Variants in C9 observed in about 807,000 individuals in gnomAD.
C9 encodes complement C9.
C9 carries 63 observed loss-of-function variants against 65.4 expected under a neutral mutation model. The ratio of observed to expected loss-of-function variants is 0.96; its 90% CI spans 0.79 to 1.19. C9 has a LOEUF of 1.19. Ranked by LOEUF, C9 falls within the 50% of genes most tolerant of loss-of-function variation. C9 has a pLI of 0.00. For missense variants in C9, 744 were observed against 670.1 expected, an observed-to-expected ratio of 1.11 and a Z score of -1.22; for synonymous variants, 229 against 227.9, an observed-to-expected ratio of 1.00 and a Z score of -0.04.
At chr5:39,334,335 C>T (rs141056653) in intron 4 of C9, among the ~76,000 whole-genome samples, 41,928 of 149,396 alleles carry the variant, frequency 0.28, 7,071 homozygotes, top group Non-Finnish European at 0.37. Flanking sequence ...GCGTCTCTGC[C>T]CGGCCGCCCC....
At chr5:39,287,022 A>G (rs1242856021) in intron 10 of C9, among the ~76,000 whole-genome samples, 1 of 151,986 alleles carries the variant, frequency 6.6e-6, no homozygotes, top group Non-Finnish European at 1.5e-5. Flanking sequence ...AATGATTGCC[A>G]TAGAAAGTTA....
At position 39,311,142 on chromosome 5, in the gene C9, C is replaced by A. The variant is rs769441512; in HGVS notation, c.1106G>T (p.Arg369Leu). 2 of 1,613,350 alleles carry A rather than the reference C, an allele frequency of 1.2e-6. No individual in the cohort carries two copies. Among genetic ancestry groups the A allele is most frequent in the Non-Finnish European group, 1.7e-6 (2 of 1,179,384 alleles). Residue 369 changes from arginine to leucine, a missense_variant, in exon 7 of 11, where the codon CGG becomes CTG. Transcript: ENST00000263408. ...AGCTCTATTTCTAGGCATACCTTTC[C>A]GCTTCATGGAAGCTTTATCCAAAAC... is the stretch of plus-strand genomic sequence containing the variant. The part of the protein sequence containing the change: ...IYVLDKASMK[R>L]KGVELKDIKR...
rs747790831 is a variant in C9 at position 39,341,572 on chromosome 5, G to A, written c.312C>T (p.Asp104=). 5.6e-6 allele frequency: 9 copies of A among 1,613,886 alleles called. No individual in the cohort carries two copies. In the Admixed American group the frequency reaches 8.3e-5, roughly 15 times the overall value. ...AAAGATTACCTGTACTGCATTGAAA[G>A]TCATTTCCGCAGTCATCCTCAGCAT... ...CEDAEDDCGN[D]FQCSTGRCIK... is the part of the protein sequence containing the mutation. The change falls in exon 3 of 11, where the codon GAC becomes GAT. Residue 104 remains aspartate, a synonymous_variant. Transcript: ENST00000263408.
chr5:39,293,046 A>G (rs913199655), intron 9 of C9, among the ~76,000 whole-genome samples: 2 of 151,778 alleles, frequency 1.3e-5, no homozygotes, highest in Admixed American at 1.3e-4. Context: ...GGAAGCAGAA[A>G]GGCATCTCTG....
At chr5:39,311,000 C>A in intron 7 of C9, 137 bp downstream of exon 7, 2 of 941,098 alleles carry the variant, frequency 2.1e-6, no homozygotes, top group South Asian at 1.4e-5. Context: ...TGCCAAAGGG[C>A]AGGAAGAGAG....
At chr5:39,362,819 C>T (rs931760501) in intron 1 of C9, among the ~76,000 whole-genome samples, 10 of 152,264 alleles carry the variant, frequency 6.6e-5, no homozygotes, top group Middle Eastern at 3.4e-3. Context: ...CCTCAACCCC[C>T]GTCAAAGGGC....
intron 5 of C9, among the ~76,000 whole-genome samples, chr5:39,320,078 T>C (rs1753641130): frequency 6.6e-6 from 1 of 152,196 alleles, no homozygotes; most frequent in Admixed American, 6.5e-5. Flanking sequence ...TTCAAAGGCA[T>C]AGATATGCAT....
Position 39,341,200 on chromosome 5 carries a change from G to T in C9, c.422C>A (p.Pro141His), listed in dbSNP as rs998275622. 3.7e-6 allele frequency: 6 copies of T among 1,614,038 alleles called. No individual in the cohort carries two copies. Among genetic ancestry groups the T allele is most frequent in the African/African-American group, 1.3e-5 (1 of 74,908 alleles). ...EDDCESEPRP[P>H]CRDRVVEESE... Reference sequence around the variant, plus strand: ...CTCTTCTACCACTCTGTCTCTGCAGGGGGGACGGGGCTCACTTTCACAATC... The same window carrying T: ...CTCTTCTACCACTCTGTCTCTGCAGTGGGGACGGGGCTCACTTTCACAATC... The change falls in exon 4 of 11, where the codon CCC (proline) becomes CAC (histidine). Residue 141 changes from proline (P) to histidine (H), a missense_variant. By Grantham distance (77) the Pro-to-His change is moderately conservative. Coordinates refer to ENST00000263408, the MANE Select transcript of C9 (RefSeq NM_001737.5).
intron 5 of C9, among the ~76,000 whole-genome samples, chr5:39,318,113 C>T (rs248345): frequency 0.39 from 58,905 of 151,246 alleles, 12,678 homozygotes; most frequent in East Asian, 0.64. Context: ...TTTTAGCAAT[C>T]GTGAATGGGA....
intron 9 of C9, among the ~76,000 whole-genome samples, chr5:39,291,267 AAG>A (rs934759636): frequency 3.3e-5 from 5 of 151,780 alleles, no homozygotes; most frequent in African/African-American, 1.2e-4. Context: ...ATTTGAAAAA[AAG>A]AAACAAATAT....
chr5:39,313,495 C>T (rs148701812), intron 6 of C9, among the ~76,000 whole-genome samples: 2 of 152,138 alleles, frequency 1.3e-5, no homozygotes, highest in Non-Finnish European at 2.9e-5. Flanking sequence ...GCTTCTCAAA[C>T]TATAAAATGT....
chr5:39,333,815 T>C (rs13354327), intron 4 of C9, among the ~76,000 whole-genome samples: 4,274 of 151,782 alleles, frequency 0.028, 186 homozygotes, highest in African/African-American at 0.096. Context: ...GGTTTCGCTG[T>C]GTTGGCCGGG....
intron 1 of C9, among the ~76,000 whole-genome samples, chr5:39,347,820 A>G (rs906137194): frequency 3.3e-5 from 5 of 152,194 alleles, no homozygotes; most frequent in African/African-American, 1.2e-4. Flanking sequence ...ACCAAAACAG[A>G]GATATAGACC....
chr5:39,318,962 T>C (rs1212022317), intron 5 of C9, among the ~76,000 whole-genome samples: 1 of 152,214 alleles, frequency 6.6e-6, no homozygotes. Flanking sequence ...GTGTCAGCCA[T>C]CCAGCTGTTC....
At chr5:39,301,706 C>G (rs915173121) in intron 9 of C9, among the ~76,000 whole-genome samples, 1 of 129,538 alleles carries the variant, frequency 7.7e-6, no homozygotes. Flanking sequence ...ACATCTGTAT[C>G]AAAAACACCA....
intron 4 of C9, among the ~76,000 whole-genome samples, chr5:39,335,687 C>T (rs112982092): frequency 3.3e-4 from 50 of 152,210 alleles, no homozygotes; most frequent in Non-Finnish European, 4.3e-4. Flanking sequence ...GTCCTGGAAC[C>T]GATCCCTGAT....
chr5:39,363,594 A>G (rs952826141), intron 1 of C9, among the ~76,000 whole-genome samples: 3 of 152,216 alleles, frequency 2.0e-5, no homozygotes, highest in Non-Finnish European at 4.4e-5. Flanking sequence ...TACTCTCCCC[A>G]GAACGGATCA....
chr5:39,297,869 T>C (rs917230212), intron 9 of C9, among the ~76,000 whole-genome samples: 1 of 151,696 alleles, frequency 6.6e-6, no homozygotes, highest in Non-Finnish European at 1.5e-5. Context: ...CAGAGCATTC[T>C]ACCCAACAAC....
chr5:39,318,090 T>G (rs1312934676), intron 5 of C9, among the ~76,000 whole-genome samples: 1 of 152,084 alleles, frequency 6.6e-6, no homozygotes. Flanking sequence ...CCTAGGTATT[T>G]TATGGGTTTT....
Sources: allele counts gnomAD v4.1 joint callset (sites outside exome capture counted in the v4.1 genomes callset), GRCh38; gene constraint gnomAD v4.1.1; transcripts MANE v1.5; gene names NCBI Gene and HGNC (gene_info 2026-07-23, HGNC 2026-07-21).